ABI2: variants seen among roughly 807,000 people sequenced by gnomAD.
The protein encoded by ABI2 is abelson interactor 2.
A neutral mutation model predicts 59.2 loss-of-function variants in ABI2; 25 were observed. That is an observed-to-expected ratio of 0.42 (90% CI 0.31 to 0.59). The LOEUF (loss-of-function observed/expected upper bound fraction) is 0.59. ABI2 is among the 20% of genes least tolerant of loss of function. The pLI is 0.14. For missense variants in ABI2, 545 were observed against 681.8 expected (o/e 0.80, Z 2.23); for synonymous variants, 213 against 235.5 (o/e 0.90, Z 0.87).
At chr2:203,380,182 G>A in intron 2 of ABI2, 26 bp from the exon 3 acceptor site, 1 of 1,445,864 alleles carries the variant, frequency 6.9e-7, no homozygotes, top group Non-Finnish European at 9.3e-7. Flanking sequence ...ACATTTTTGT[G>A]TTGTTTTTTA....
intron 1 of ABI2, among the ~76,000 whole-genome samples, chr2:203,350,889 TGTGC>T (rs141407640): frequency 0.14 from 17,164 of 125,238 alleles, 949 homozygotes; most frequent in Admixed American, 0.17. Context: ...TGTGTGTGTG[TGTGC>T]GCGCGCGCAT....
chr2:203,354,283 A>G (rs937352826), intron 1 of ABI2, among the ~76,000 whole-genome samples: 5 of 152,086 alleles, frequency 3.3e-5, no homozygotes, highest in African/African-American at 1.2e-4. Context: ...AGCTCAAGTG[A>G]TCTTCTCGCC....
chr2:203,408,307 C>T (rs1231346993), intron 9 of ABI2, among the ~76,000 whole-genome samples: 1 of 151,890 alleles, frequency 6.6e-6, no homozygotes. Context: ...GGGTTACAGG[C>T]ACCTGCTACC....
intron 10 of ABI2, among the ~76,000 whole-genome samples, chr2:203,415,376 G>A (rs895342982): frequency 3.3e-5 from 5 of 152,104 alleles, no homozygotes; most frequent in African/African-American, 1.2e-4. Flanking sequence ...CCAGCACTTT[G>A]GGAGGCCGAG....
intron 1 of ABI2, chr2:203,351,726 G>A (rs962170685): frequency 9.6e-6 from 3 of 311,632 alleles, no homozygotes; most frequent in African/African-American, 4.6e-5. Context: ...TGTAGAGCCA[G>A]CATCTCACTT....
chr2:203,352,978 G>A (rs950943157), intron 1 of ABI2, among the ~76,000 whole-genome samples: 6 of 152,278 alleles, frequency 3.9e-5, no homozygotes, highest in Non-Finnish European at 7.4e-5. Context: ...CAGGTTTGTC[G>A]TGTAGGAGCA....
intron 11 of ABI2, among the ~76,000 whole-genome samples, chr2:203,419,626 C>T (rs560955399): frequency 6.6e-6 from 1 of 152,066 alleles, no homozygotes; most frequent in South Asian, 2.1e-4. Flanking sequence ...ATCTGCCCAC[C>T]TCTGCCTCCC....
In ABI2 at chr2:203,367,021, T is replaced by G. The variant is rs1407944385; in HGVS notation, c.262T>G (p.Ser88Ala). The G allele has an allele frequency of 6.2e-7, 1 of 1,613,644 alleles. No individual in the cohort carries two copies. Among genetic ancestry groups the G allele is most frequent in the East Asian group, 2.2e-5 (1 of 44,886 alleles). Reference protein sequence around the residue: ...IQASQLRRMESSINHISQTVD... With the variant: ...IQASQLRRMEASINHISQTVD... Reference sequence around the variant, plus strand: ...GGCATCCCAGCTACGAAGGATGGAATCTTCAATCAATCATATTTCACAAGT... The same window carrying G: ...GGCATCCCAGCTACGAAGGATGGAAGCTTCAATCAATCATATTTCACAAGT... The change falls in exon 2 of 12, where the codon TCT becomes GCT. Residue 88 changes from serine (S) to alanine (A), a missense_variant. Ser to Ala is a moderately conservative substitution (Grantham distance 99). This residue lies in a region of ABI2 where 36 missense variants were observed against 80.0 expected (regional missense o/e 0.45). Coordinates refer to ENST00000261018, the MANE Select transcript of ABI2 (RefSeq NM_001375670.1).
In ABI2 at chr2:203,428,449, A is replaced by T. The variant is rs1372368487; in HGVS notation, c.*1097A>T. ...CTGTATTACTGACTCGCTTAGCTGT[A>T]GAAAGGGTAATACTCTCCTGATTTT... On this transcript the variant is annotated 3_prime_UTR_variant, in exon 12 of 12. Coordinates refer to ENST00000261018, the MANE Select transcript of ABI2 (RefSeq NM_001375670.1). The T allele has an allele frequency of 6.6e-6, 1 of 152,620 alleles. No homozygotes were observed. Among genetic ancestry groups the T allele is most frequent in the East Asian group, 1.9e-4 (1 of 5,200 alleles). The allele number at this position is 152,620 out of a possible 1,614,324, so 9.5% of individuals were successfully genotyped here.
intron 11 of ABI2, among the ~76,000 whole-genome samples, chr2:203,421,247 T>C (rs1644564809): frequency 6.6e-6 from 1 of 152,166 alleles, no homozygotes; most frequent in African/African-American, 2.4e-5. Flanking sequence ...GATAATGGCC[T>C]CAACCAAGGT....
At chr2:203,386,541 T>C in intron 4 of ABI2, 1 of 718,902 alleles carries the variant, frequency 1.4e-6, no homozygotes, top group Non-Finnish European at 1.7e-6. Context: ...TTAGGGAAGT[T>C]TCATAGAGAA....
At chr2:203,385,236 A>T (rs915840061) in intron 4 of ABI2, among the ~76,000 whole-genome samples, 1 of 146,600 alleles carries the variant, frequency 6.8e-6, no homozygotes, top group Non-Finnish European at 1.5e-5. Context: ...GTTTCACGCC[A>T]TTCTCCTGCC....
At chr2:203,349,827 G>A (rs1220268316) in intron 1 of ABI2, among the ~76,000 whole-genome samples, 1 of 151,740 alleles carries the variant, frequency 6.6e-6, no homozygotes, top group African/African-American at 2.4e-5. Flanking sequence ...CCAATTATGA[G>A]TAATTTCATA....
chr2:203,381,640 A>G (rs910776908), intron 3 of ABI2, among the ~76,000 whole-genome samples: 6 of 152,198 alleles, frequency 3.9e-5, no homozygotes. Context: ...AAGATGTGTA[A>G]TTGGATGGTT....
intron 3 of ABI2, among the ~76,000 whole-genome samples, chr2:203,381,583 G>A (rs919254108): frequency 2.0e-5 from 3 of 152,160 alleles, no homozygotes; most frequent in Non-Finnish European, 4.4e-5. Flanking sequence ...TAATTTTATA[G>A]CCAATACCTA....
chr2:203,373,449 C>A (rs946640118), intron 2 of ABI2, among the ~76,000 whole-genome samples: 1 of 151,440 alleles, frequency 6.6e-6, no homozygotes, highest in Non-Finnish European at 1.5e-5. Flanking sequence ...AGAGGGAGAC[C>A]GTGGAAAGAG....
chr2:203,406,919 G>A (rs376154912), intron 9 of ABI2, among the ~76,000 whole-genome samples: 1 of 152,216 alleles, frequency 6.6e-6, no homozygotes, highest in African/African-American at 2.4e-5. Context: ...TCCATCTGGC[G>A]TAACAAAGGT....
intron 5 of ABI2, among the ~76,000 whole-genome samples, chr2:203,391,476 T>C (rs1448401164): frequency 6.6e-6 from 1 of 152,184 alleles, no homozygotes; most frequent in African/African-American, 2.4e-5. Flanking sequence ...CAACTATCCT[T>C]TTTAAGCTGT....
At chr2:203,366,691 T>G (rs1342096661) in intron 1 of ABI2, among the ~76,000 whole-genome samples, 186 bp from the exon 2 acceptor site, 1 of 152,218 alleles carries the variant, frequency 6.6e-6, no homozygotes, top group Non-Finnish European at 1.5e-5. Context: ...ATGAAAACAT[T>G]AGTGAGTTCA....
Sources: gnomAD v4.1 joint callset for allele counts (sites outside exome capture counted in the v4.1 genomes callset) on GRCh38, gnomAD v4.1.1 for gene constraint, gnomAD v4.1.1 regional missense constraint, MANE v1.5 for transcripts, NCBI Gene and HGNC (gene_info 2026-07-23, HGNC 2026-07-21) for gene names.